The following IL1RAPL1 variants were observed in gnomAD, a reference collection of about 807,000 sequenced individuals.
The protein encoded by IL1RAPL1 is interleukin-1 receptor accessory protein-like 1.
In IL1RAPL1, 3 loss-of-function variants were observed where a neutral mutation model predicts 48.4. The ratio of observed to expected loss-of-function variants is 0.06; its 90% CI spans 0.03 to 0.16. The LOEUF is 0.16. Among genes scored for constraint, IL1RAPL1 ranks in the 10% least tolerant of loss-of-function variants. The pLI is 1.00. For missense variants in IL1RAPL1, 349 were observed against 530.6 expected (o/e 0.66, Z 3.36); for synonymous variants, 185 against 187.7 (o/e 0.99, Z 0.12).
chrX:29,824,387 A>G (rs1930686158), intron 6 of IL1RAPL1, among the ~76,000 whole-genome samples: 2 of 112,069 alleles, frequency 1.8e-5, no homozygotes, highest in African/African-American at 3.2e-5. Context: ...TAGTAGCGTC[A>G]TCCCACATTG....
chrX:28,768,778 T>TATATATACAC (rs768805531), intron 1 of IL1RAPL1, among the ~76,000 whole-genome samples: 4 of 76,442 alleles, frequency 5.2e-5, no homozygotes, highest in African/African-American at 9.4e-5. Context: ...TATATATATA[T>TATATATACAC]ACACACACTA....
At chrX:29,391,174 CA>C (rs764215826) in intron 3 of IL1RAPL1, among the ~76,000 whole-genome samples, 3,878 of 89,822 alleles carry the variant, frequency 0.043, 172 homozygotes, top group African/African-American at 0.13. Flanking sequence ...AATTCCATCT[CA>C]AAAAAAAAAA....
chrX:29,364,675 A>G (rs1487421261), intron 3 of IL1RAPL1, among the ~76,000 whole-genome samples: 3 of 111,075 alleles, frequency 2.7e-5, no homozygotes, highest in Non-Finnish European at 3.8e-5. Flanking sequence ...TGTAACAACT[A>G]TTTACACAGT....
At chrX:28,626,924 G>C (rs1934346632) in intron 1 of IL1RAPL1, among the ~76,000 whole-genome samples, 1 of 111,960 alleles carries the variant, frequency 8.9e-6, no homozygotes. Context: ...AATGAGGTAA[G>C]GTAGATTAAT....
At chrX:28,669,785 G>GTA (rs1156723924) in intron 1 of IL1RAPL1, among the ~76,000 whole-genome samples, 19 of 100,615 alleles carry the variant, frequency 1.9e-4, no homozygotes, top group Middle Eastern at 5.0e-3. Context: ...TATATAAATT[G>GTA]TATATATATA....
At chrX:29,283,309 C>T (rs1251163030) in intron 3 of IL1RAPL1, 92 bp downstream of exon 3, 5 of 906,819 alleles carry the variant, frequency 5.5e-6, no homozygotes, top group South Asian at 4.3e-5. Context: ...TGCCTAAAGC[C>T]GTTGTCTCAA....
intron 2 of IL1RAPL1, among the ~76,000 whole-genome samples, chrX:29,259,008 T>G (rs1931804679): frequency 9.0e-6 from 1 of 111,170 alleles, no homozygotes; most frequent in Non-Finnish European, 1.9e-5. Flanking sequence ...AACTCTAACC[T>G]CATAAGTTTC....
chrX:28,595,662 A>C (rs1933946122), intron 1 of IL1RAPL1, among the ~76,000 whole-genome samples: 1 of 112,214 alleles, frequency 8.9e-6, no homozygotes, highest in African/African-American at 3.2e-5. Flanking sequence ...CACAGTCAGG[A>C]GAGCTAAATA....
At chrX:29,577,482 G>T (rs1472538181) in intron 5 of IL1RAPL1, among the ~76,000 whole-genome samples, 2 of 111,442 alleles carry the variant, frequency 1.8e-5, no homozygotes, top group African/African-American at 6.5e-5. Context: ...CCAAAAGTAG[G>T]CTTCCCTTTC....
intron 1 of IL1RAPL1, among the ~76,000 whole-genome samples, chrX:28,608,096 A>G (rs1934106451): frequency 9.0e-6 from 1 of 111,623 alleles, no homozygotes; most frequent in African/African-American, 3.3e-5. Context: ...TAGCTTTCCC[A>G]CTATAGTGGA....
chrX:28,839,583 T>G (rs1254173952), intron 2 of IL1RAPL1, among the ~76,000 whole-genome samples: 1 of 110,521 alleles, frequency 9.0e-6, no homozygotes, highest in Non-Finnish European at 1.9e-5. Flanking sequence ...ACAGCTAGTG[T>G]TCAAGGCATT....
chrX:29,130,900 C>G (rs1277378754), intron 2 of IL1RAPL1, among the ~76,000 whole-genome samples: 1 of 112,336 alleles, frequency 8.9e-6, no homozygotes, highest in East Asian at 2.8e-4. Context: ...TGAAAGCATT[C>G]ATAATACGGA....
chrX:29,875,121 A>G (rs1399637760), intron 6 of IL1RAPL1, among the ~76,000 whole-genome samples: 3 of 111,969 alleles, frequency 2.7e-5, no homozygotes, highest in Admixed American at 9.5e-5. Context: ...TATTGTTTAT[A>G]TGATGTAAAT....
intron 2 of IL1RAPL1, among the ~76,000 whole-genome samples, chrX:28,891,788 TGAG>T (rs1479886344): frequency 9.0e-6 from 1 of 110,640 alleles, no homozygotes; most frequent in African/African-American, 3.3e-5. Flanking sequence ...TTTAAAGTAT[TGAG>T]GAACCAGATT....
intron 2 of IL1RAPL1, among the ~76,000 whole-genome samples, chrX:28,916,453 C>T (rs190251005): frequency 3.6e-4 from 40 of 112,337 alleles, no homozygotes; most frequent in African/African-American, 1.1e-3. Context: ...GTACCCCAAG[C>T]CTAAAGGTAG....
At chrX:28,639,069 CT>C (rs1188709079) in intron 1 of IL1RAPL1, among the ~76,000 whole-genome samples, 1 of 111,690 alleles carries the variant, frequency 9.0e-6, no homozygotes, top group African/African-American at 3.3e-5. Context: ...AGTGGGACTC[CT>C]TTCCTTTGAA....
chrX:28,606,584 T>G (rs1246796048), intron 1 of IL1RAPL1, among the ~76,000 whole-genome samples: 4 of 112,369 alleles, frequency 3.6e-5, no homozygotes, highest in Non-Finnish European at 7.5e-5. Flanking sequence ...TGTTCTTTTT[T>G]ACTTTATACC....
intron 5 of IL1RAPL1, among the ~76,000 whole-genome samples, chrX:29,490,936 A>G (rs5972238): frequency 0.49 from 53,107 of 107,325 alleles, 9,670 homozygotes; most frequent in East Asian, 0.71. Flanking sequence ...ATTTGTATGC[A>G]CTTAATGTAA....
At chrX:29,291,991 T>G (rs1019020315) in intron 3 of IL1RAPL1, among the ~76,000 whole-genome samples, 8 of 112,011 alleles carry the variant, frequency 7.1e-5, no homozygotes, top group African/African-American at 1.9e-4. Flanking sequence ...TCTTAGAGTC[T>G]GCCCCATAGA....
Sources: allele counts gnomAD v4.1 joint callset (sites outside exome capture counted in the v4.1 genomes callset), GRCh38; gene constraint gnomAD v4.1.1; transcripts MANE v1.5; gene names NCBI Gene and HGNC (gene_info 2026-07-23, HGNC 2026-07-21).